The following NEMF variants were observed in gnomAD, a reference collection of about 807,000 sequenced individuals.
NEMF encodes the protein nuclear export mediator factor, also known as ribosome quality control complex subunit NEMF.
A neutral mutation model predicts 162.2 loss-of-function variants in NEMF; 89 were observed. The ratio of observed to expected loss-of-function variants is 0.55; its 90% CI spans 0.46 to 0.65. NEMF has a LOEUF of 0.65. NEMF is among the 30% of genes least tolerant of loss of function. The pLI is 0.00. For missense variants in NEMF, 1,133 were observed against 1,261.9 expected, an observed-to-expected ratio of 0.90 and a Z score of 1.55; for synonymous variants, 421 against 404.5, an observed-to-expected ratio of 1.04 and a Z score of -0.49.
chr14:49,788,192 T>C (rs898423360), intron 28 of NEMF, among the ~76,000 whole-genome samples: 1 of 151,486 alleles, frequency 6.6e-6, no homozygotes, highest in African/African-American at 2.4e-5. Flanking sequence ...GGCCGGATAA[T>C]TGCTTGAATC....
intron 28 of NEMF, among the ~76,000 whole-genome samples, chr14:49,787,709 G>C (rs748910864): frequency 6.6e-6 from 1 of 152,172 alleles, no homozygotes; most frequent in Non-Finnish European, 1.5e-5. Flanking sequence ...ACCTACTCAT[G>C]AAAGAACATT....
chr14:49,852,342 G>A (rs1018835263), intron 1 of NEMF, among the ~76,000 whole-genome samples: 1 of 152,172 alleles, frequency 6.6e-6, no homozygotes, highest in Admixed American at 6.5e-5. Flanking sequence ...AAGAAACCAA[G>A]CCCCCAGTCT....
At chr14:49,788,508 G>C (rs1230038452) in intron 28 of NEMF, among the ~76,000 whole-genome samples, 1 of 150,682 alleles carries the variant, frequency 6.6e-6, no homozygotes, top group East Asian at 1.9e-4. Flanking sequence ...TAGAGAAAGT[G>C]AAAATTTATT....
At chr14:49,816,037 A>G (rs568058973) in intron 16 of NEMF, among the ~76,000 whole-genome samples, 1 of 152,286 alleles carries the variant, frequency 6.6e-6, no homozygotes, top group East Asian at 1.9e-4. Flanking sequence ...AGTTCCTGTC[A>G]CTACACCAAA....
At chr14:49,825,463 G>A (rs147958815) in intron 16 of NEMF, among the ~76,000 whole-genome samples, 42 of 152,306 alleles carry the variant, frequency 2.8e-4, no homozygotes, top group Non-Finnish European at 5.6e-4. Flanking sequence ...AGAACTAGCT[G>A]AGTGCAGAAG....
intron 3 of NEMF, chr14:49,849,621 T>G (rs141938047): frequency 6.7e-4 from 102 of 152,374 alleles, no homozygotes; most frequent in African/African-American, 2.1e-3. Flanking sequence ...TTTTTTAAAG[T>G]GACTGACCTA....
In NEMF at chr14:49,783,297, ATTTT is replaced by A. The variant is rs35247807; in HGVS notation, c.*1335_*1338del. 488 of 156,456 alleles carry A rather than the reference ATTTT, an allele frequency of 3.1e-3. 1 individual carries two copies. Among genetic ancestry groups the A allele is most frequent in the African/African-American group, 5.1e-3 (213 of 41,438 alleles). 9.7% of individuals were successfully genotyped at this position (156,456 alleles called of 1,614,324 possible). A position where few individuals can be genotyped will look rare whatever the true frequency, so the allele number is the denominator to read the frequency against. ...AAGTCATTTTTTGAAAACATTATAG[ATTTT>A]TTTTTTTTTAATGGCAAGAGTAGTC... On this transcript the variant is annotated 3_prime_UTR_variant, in exon 33 of 33. Transcript: ENST00000298310.
intron 16 of NEMF, among the ~76,000 whole-genome samples, chr14:49,823,149 A>C (rs1892167537): frequency 6.6e-6 from 1 of 152,000 alleles, no homozygotes; most frequent in African/African-American, 2.4e-5. Context: ...CATGTTGGCC[A>C]GGTTGGTCTC....
rs146152795 is a variant in NEMF, at chr14:49,795,842, C to G, written c.2568G>C (p.Gln856His). ...KESTVHIETH[Q>H]NTSKNVAAVQ... Reference sequence around the variant, plus strand: ...CAGCCGCAACATTTTTGCTTGTGTTCTGATGAGTTTCAATGTGTACAGTAC... The same window carrying G: ...CAGCCGCAACATTTTTGCTTGTGTTGTGATGAGTTTCAATGTGTACAGTAC... The change falls in exon 26 of 33, where the codon CAG becomes CAC. Residue 856 changes from glutamine (Q) to histidine (H), a missense_variant. Physicochemically the swap from Gln to His is conservative, Grantham distance 24. Coordinates refer to ENST00000298310, the MANE Select transcript of NEMF (RefSeq NM_004713.6). The G allele has an allele frequency of 3.7e-6, 6 of 1,613,408 alleles. No homozygotes were observed. Among genetic ancestry groups the G allele is most frequent in the Non-Finnish European group, 5.1e-6 (6 of 1,179,828 alleles).
chr14:49,782,922 G>C lies in NEMF; in HGVS notation c.*1714C>G. 1 of 1,613,268 alleles carries C rather than the reference G, an allele frequency of 6.2e-7. No homozygotes were observed. The highest frequency in any genetic ancestry group is 8.5e-7 in the Non-Finnish European group (1 of 1,179,618). On this transcript the variant is annotated 3_prime_UTR_variant, in exon 33 of 33. Coordinates refer to ENST00000298310, the MANE Select transcript of NEMF (RefSeq NM_004713.6). ...CACTTACTTCACAGTGTTAATCAGA[G>C]GTTTGGTAGTAACAACACTTCTGGA...
intron 28 of NEMF, among the ~76,000 whole-genome samples, chr14:49,788,345 C>T (rs1890277244): frequency 6.6e-6 from 1 of 151,016 alleles, no homozygotes; most frequent in East Asian, 1.9e-4. Context: ...GAAGGCTGGG[C>T]TTGCTGTACT....
chr14:49,798,216 A>C (rs1213101888), intron 25 of NEMF, among the ~76,000 whole-genome samples: 1 of 152,278 alleles, frequency 6.6e-6, no homozygotes, highest in Non-Finnish European at 1.5e-5. Context: ...AATGTATAAC[A>C]ATCAACAATG....
At chr14:49,790,335 A>G (rs1890381853) in intron 26 of NEMF, among the ~76,000 whole-genome samples, 1 of 152,230 alleles carries the variant, frequency 6.6e-6, no homozygotes, top group Non-Finnish European at 1.5e-5. Context: ...GAGAACCCTT[A>G]TACATCAACT....
intron 4 of NEMF, among the ~76,000 whole-genome samples, chr14:49,844,038 G>A (rs746466461): frequency 6.6e-6 from 1 of 151,652 alleles, no homozygotes; most frequent in Non-Finnish European, 1.5e-5. Context: ...GGCAGAGGTT[G>A]CAGTGAGCTG....
chr14:49,852,483 C>T (rs1277524376), intron 1 of NEMF, among the ~76,000 whole-genome samples: 1 of 152,230 alleles, frequency 6.6e-6, no homozygotes, highest in Admixed American at 6.5e-5. Context: ...GCTGGGAGGA[C>T]GCGGGGGATG....
chr14:49,806,969 C>T (rs1031372179), intron 18 of NEMF, among the ~76,000 whole-genome samples: 1 of 152,150 alleles, frequency 6.6e-6, no homozygotes, highest in African/African-American at 2.4e-5. Context: ...CCATGACCAT[C>T]AATACTATTT....
At chr14:49,820,439 C>T (rs1290034880) in intron 16 of NEMF, 3 of 456,582 alleles carry the variant, frequency 6.6e-6, no homozygotes, top group Non-Finnish European at 1.3e-5. Flanking sequence ...AAGTTCCTTA[C>T]CCTCTCCGTT....
intron 5 of NEMF, chr14:49,839,470 A>C (rs550631651): frequency 6.6e-6 from 1 of 152,388 alleles, no homozygotes; most frequent in South Asian, 2.1e-4. Context: ...AAACTTCAGG[A>C]ACCACTGCTA....
At chr14:49,834,091 T>C (rs1218473720) in intron 7 of NEMF, 1 of 538,036 alleles carries the variant, frequency 1.9e-6, no homozygotes, top group African/African-American at 1.9e-5. Flanking sequence ...GTGATACTTG[T>C]TTTTGTGGGG....
Sources: allele counts gnomAD v4.1 joint callset (sites outside exome capture counted in the v4.1 genomes callset), GRCh38; gene constraint gnomAD v4.1.1; transcripts MANE v1.5; gene names NCBI Gene and HGNC (gene_info 2026-07-23, HGNC 2026-07-21).